Variants in GRIK2 observed in about 807,000 individuals in gnomAD.
The protein encoded by GRIK2 is glutamate receptor ionotropic, kainate 2.
In GRIK2, 32 loss-of-function variants were observed where a neutral mutation model predicts 100.3. That is an observed-to-expected ratio of 0.32 (90% CI 0.24 to 0.43). The LOEUF (loss-of-function observed/expected upper bound fraction) is 0.43, where lower values mean the gene tolerates loss of function less well. GRIK2 is among the 20% of genes least tolerant of loss of function. The pLI is 1.00. For synonymous variants in GRIK2, 417 were observed against 389.4 expected (o/e 1.07, Z -0.83); for missense variants, 843 against 1,114.9 (o/e 0.76, Z 3.47).
intron 2 of GRIK2, among the ~76,000 whole-genome samples, chr6:101,494,971 T>TTATATATATATATA (rs369006296): frequency 0.039 from 4,161 of 107,340 alleles, 169 homozygotes; most frequent in South Asian, 0.044. Flanking sequence ...ATATATGCAT[T>TTATATATATATATA]TATATATATA....
intron 2 of GRIK2, among the ~76,000 whole-genome samples, chr6:101,454,576 A>G (rs1172854604): frequency 1.3e-5 from 2 of 152,146 alleles, no homozygotes; most frequent in African/African-American, 4.8e-5. Context: ...GGTTATAGCA[A>G]TAGGTCCAGC....
intron 2 of GRIK2, among the ~76,000 whole-genome samples, chr6:101,473,133 C>CTTCCTTCT: frequency 1.0e-5 from 1 of 97,948 alleles, no homozygotes; most frequent in Admixed American, 1.2e-4. Flanking sequence ...TCCTTCCTTC[C>CTTCCTTCT]TTCCTTCCTT....
At chr6:101,834,748 A>C (rs557368341) in intron 10 of GRIK2, among the ~76,000 whole-genome samples, 46 of 152,224 alleles carry the variant, frequency 3.0e-4, no homozygotes, top group African/African-American at 9.9e-4. Flanking sequence ...TTTAAATATC[A>C]CCTTCCAGGG....
At chr6:101,558,036 T>C (rs1373485503) in intron 2 of GRIK2, among the ~76,000 whole-genome samples, 5 of 152,192 alleles carry the variant, frequency 3.3e-5, no homozygotes, top group African/African-American at 1.2e-4. Context: ...GTTTTTCTTC[T>C]CTAATTACCA....
chr6:101,822,526 T>C (rs60199869), intron 10 of GRIK2, among the ~76,000 whole-genome samples: 11,017 of 152,112 alleles, frequency 0.072, 424 homozygotes, highest in African/African-American at 0.095. Flanking sequence ...CCATTATGAC[T>C]GGTGCTAATG....
intron 7 of GRIK2, among the ~76,000 whole-genome samples, chr6:101,700,348 A>G (rs1772801258): frequency 6.6e-6 from 1 of 152,068 alleles, no homozygotes; most frequent in Admixed American, 6.6e-5. Flanking sequence ...TTGGGGGAAG[A>G]TAGGGCTCAA....
At chr6:101,615,890 CAGAGAATCAAATAT>C (rs1177788173) in intron 2 of GRIK2, among the ~76,000 whole-genome samples, 2 of 151,792 alleles carry the variant, frequency 1.3e-5, no homozygotes, top group African/African-American at 4.8e-5. Flanking sequence ...AGATCTTCCT[CAGAGAATCAAATAT>C]AGAGAGCCTT....
chr6:101,456,389 T>C (rs1353833525), intron 2 of GRIK2, among the ~76,000 whole-genome samples: 1 of 152,056 alleles, frequency 6.6e-6, no homozygotes, highest in Non-Finnish European at 1.5e-5. Flanking sequence ...ATATTGTTTA[T>C]CTAGGAAGCT....
chr6:101,495,599 G>C (rs1773402390), intron 2 of GRIK2, among the ~76,000 whole-genome samples: 1 of 152,138 alleles, frequency 6.6e-6, no homozygotes, highest in Admixed American at 6.5e-5. Flanking sequence ...TCCCCAAGAT[G>C]GTTCTTAATT....
At chr6:101,906,188 G>A (rs1417385442) in intron 12 of GRIK2, among the ~76,000 whole-genome samples, 2 of 151,518 alleles carry the variant, frequency 1.3e-5, no homozygotes, top group Non-Finnish European at 3.0e-5. Flanking sequence ...AGTGAATTCC[G>A]CTCCTATGTG....
intron 4 of GRIK2, among the ~76,000 whole-genome samples, chr6:101,654,787 G>A (rs942968749): frequency 1.1e-4 from 17 of 152,030 alleles, no homozygotes; most frequent in African/African-American, 4.1e-4. Flanking sequence ...ATGTCTACCT[G>A]CTGAACCATT....
intron 12 of GRIK2, among the ~76,000 whole-genome samples, chr6:101,894,633 G>A (rs1787322057): frequency 6.6e-6 from 1 of 151,578 alleles, no homozygotes; most frequent in African/African-American, 2.4e-5. Context: ...CATATAAAAA[G>A]TCTGGTTAGG....
At chr6:101,451,704 G>GC (rs1350105345) in intron 2 of GRIK2, among the ~76,000 whole-genome samples, 3 of 148,960 alleles carry the variant, frequency 2.0e-5, no homozygotes, top group Middle Eastern at 3.4e-3. Context: ...GAGGGGGGGG[G>GC]GGGTGCCAAA....
At chr6:102,002,717 C>T (rs1203945716) in intron 14 of GRIK2, among the ~76,000 whole-genome samples, 1 of 150,564 alleles carries the variant, frequency 6.6e-6, no homozygotes, top group East Asian at 2.0e-4. Context: ...TTGATTCCTT[C>T]ATAATTATTC....
Position 101,901,290 on chromosome 6 carries a change from GA to G in GRIK2, c.1748+11435del, listed in dbSNP as rs1050345927. 1.1e-4 allele frequency among the ~76,000 whole-genome samples: 17 copies of G among 151,364 alleles called. No homozygotes were observed. The South Asian group carries it at 1.9e-3, about 17-fold the overall frequency. On this transcript the variant is annotated intron_variant, in intron 12 of 16. Transcript: ENST00000369134. ...TTTGATTGGACAATTGGGTGTTTTAGAAAAAAAATGTATATTGATAGCCAGT... is the reference window on the plus strand; with the variant it reads ...TTTGATTGGACAATTGGGTGTTTTAGAAAAAAATGTATATTGATAGCCAGT...
At chr6:101,676,988 G>A (rs1562303214) in intron 5 of GRIK2, among the ~76,000 whole-genome samples, 184 bp downstream of exon 5, 1 of 152,058 alleles carries the variant, frequency 6.6e-6, no homozygotes, top group Non-Finnish European at 1.5e-5. Context: ...TGTAAACATT[G>A]ATGATCTTCA....
intron 14 of GRIK2, among the ~76,000 whole-genome samples, chr6:101,938,186 A>G (rs1352030381): frequency 6.6e-6 from 1 of 151,890 alleles, no homozygotes; most frequent in Non-Finnish European, 1.5e-5. Context: ...TGCTACTGCC[A>G]TCTTCAATAT....
intron 2 of GRIK2, among the ~76,000 whole-genome samples, chr6:101,578,521 A>G (rs1777894405): frequency 6.6e-6 from 1 of 152,160 alleles, no homozygotes; most frequent in Admixed American, 6.6e-5. Flanking sequence ...CATATGGGGC[A>G]TTTGAACAAG....
chr6:101,765,905 A>T (rs59968156), intron 7 of GRIK2, among the ~76,000 whole-genome samples: 8,645 of 152,232 alleles, frequency 0.057, 648 homozygotes, highest in African/African-American at 0.18. Context: ...TCTCCAAAAA[A>T]GCTATGAGTC....
Sources: allele counts gnomAD v4.1 joint callset (sites outside exome capture counted in the v4.1 genomes callset), GRCh38; gene constraint gnomAD v4.1.1; transcripts MANE v1.5; gene names NCBI Gene and HGNC (gene_info 2026-07-23, HGNC 2026-07-21).